TMEM170B: variants seen among roughly 807,000 people sequenced by gnomAD.
TMEM170B encodes transmembrane protein 170B.
Under a neutral mutation model 13.0 loss-of-function variants are expected in TMEM170B, and 6 were observed. That is an observed-to-expected ratio of 0.46 (90% CI 0.25 to 0.91). TMEM170B has a LOEUF of 0.91. Among genes scored for constraint, TMEM170B ranks in the 40% least tolerant of loss-of-function variants. The pLI is 0.17. For missense variants in TMEM170B, 138 were observed against 165.2 expected (o/e 0.84, Z 0.90); for synonymous variants, 61 against 64.9 (o/e 0.94, Z 0.29).
chr6:11,545,885 G>A (rs569972308), intron 1 of TMEM170B, among the ~76,000 whole-genome samples: 55 of 151,524 alleles, frequency 3.6e-4, no homozygotes, highest in Non-Finnish European at 3.7e-4. Flanking sequence ...GGTGGCGGGC[G>A]CCTATAGTCC....
chr6:11,559,985 A>T (rs1255775078), intron 1 of TMEM170B, among the ~76,000 whole-genome samples: 1 of 151,664 alleles, frequency 6.6e-6, no homozygotes, highest in African/African-American at 2.4e-5. Flanking sequence ...GTCTAATGAG[A>T]TAGGTTTTGT....
intron 2 of TMEM170B, among the ~76,000 whole-genome samples, chr6:11,574,888 A>G (rs1460034690): frequency 1.3e-5 from 2 of 152,182 alleles, no homozygotes; most frequent in African/African-American, 4.8e-5. Flanking sequence ...TTAAAAAGCA[A>G]GAACTATTTT....
intron 1 of TMEM170B, among the ~76,000 whole-genome samples, chr6:11,558,154 CT>C (rs1265431293): frequency 6.6e-6 from 1 of 152,138 alleles, no homozygotes; most frequent in East Asian, 1.9e-4. Flanking sequence ...CCACAGTAAT[CT>C]TTTTAAAAGG....
chr6:11,573,169 T>C (rs1489874822), intron 2 of TMEM170B, among the ~76,000 whole-genome samples: 2 of 152,196 alleles, frequency 1.3e-5, no homozygotes, highest in African/African-American at 4.8e-5. Context: ...CCTTTTTTTG[T>C]GGTCTTAAGA....
intron 1 of TMEM170B, among the ~76,000 whole-genome samples, chr6:11,552,798 G>A (rs1346404324): frequency 6.6e-6 from 1 of 152,190 alleles, no homozygotes; most frequent in Non-Finnish European, 1.5e-5. Context: ...GGGATGCAAA[G>A]GCAGTCTGTG....
chr6:11,551,361 C>T (rs989619421), intron 1 of TMEM170B, among the ~76,000 whole-genome samples: 1 of 152,152 alleles, frequency 6.6e-6, no homozygotes, highest in African/African-American at 2.4e-5. Context: ...ATTGTGCGAG[C>T]AGACTGCACA....
At position 11,575,613 on chromosome 6, in the gene TMEM170B, C is replaced by A. The variant is rs548823800; in HGVS notation, c.*52C>A. ...CATAAGGAAACAGATGTACAGATTC[C>A]CTGAAAACGGCATTGTTAACAAGTG... On this transcript the variant is annotated 3_prime_UTR_variant, in exon 3 of 3. Transcript: ENST00000379426. The surrounding 1 kb of genome is among the most constrained non-coding windows in gnomAD (Gnocchi z 4.1). 6.3e-7 allele frequency: 1 copy of A among 1,598,308 alleles called. No individual in the cohort carries two copies. The highest frequency in any genetic ancestry group is 2.2e-5 in the East Asian group (1 of 44,664).
intron 1 of TMEM170B, among the ~76,000 whole-genome samples, chr6:11,557,099 T>G (rs950216054): frequency 1.3e-5 from 2 of 152,208 alleles, no homozygotes; most frequent in Non-Finnish European, 2.9e-5. Context: ...CTGTAAAAAT[T>G]GTAGCTGATT....
In TMEM170B at chr6:11,575,759, G is replaced by A; in HGVS notation, c.*198G>A. 1.9e-6 allele frequency: 1 copy of A among 538,070 alleles called. No homozygotes were observed. The highest frequency in any genetic ancestry group is 3.2e-6 in the Non-Finnish European group (1 of 313,202). The allele number at this position is 538,070 out of a possible 1,614,324, so 33.3% of individuals were successfully genotyped here. ...TGCACTACCGCACTGCACCTTATGT[G>A]CCTCTGTCTCAGGCAAGGTGCATTA... On this transcript the variant is annotated 3_prime_UTR_variant, in exon 3 of 3. Transcript: ENST00000379426. The surrounding 1 kb of genome is among the most constrained non-coding windows in gnomAD (Gnocchi z 4.1).
rs1193942126 is a variant in TMEM170B at position 11,580,382 on chromosome 6, G to A, written c.*4821G>A. On this transcript the variant is annotated 3_prime_UTR_variant, in exon 3 of 3. Coordinates refer to ENST00000379426, the MANE Select transcript of TMEM170B (RefSeq NM_001100829.3). ...ATTATGTAATTCAGGGAGTAACGAT[G>A]CCTGGAGCAATTTCTGAAATATTCT... 6.6e-6 allele frequency: 1 copy of A among 152,106 alleles called. No homozygotes were observed. Among genetic ancestry groups the A allele is most frequent in the Non-Finnish European group, 1.5e-5 (1 of 68,030 alleles). 9.4% of individuals were successfully genotyped at this position (152,106 alleles called of 1,614,324 possible).
At chr6:11,540,579 C>T (rs183167592) in intron 1 of TMEM170B, among the ~76,000 whole-genome samples, 1 of 152,296 alleles carries the variant, frequency 6.6e-6, no homozygotes, top group Admixed American at 6.5e-5. Flanking sequence ...TTACTTCCTC[C>T]ACTAAAGTGT....
rs1759959568 is a variant in TMEM170B at position 11,581,685 on chromosome 6, G to T, written c.*6124G>T. The T allele has an allele frequency of 6.6e-6, 1 of 152,136 alleles. No individual in the cohort carries two copies. Among genetic ancestry groups the T allele is most frequent in the Non-Finnish European group, 1.5e-5 (1 of 68,010 alleles). The allele number at this position is 152,136 out of a possible 1,614,324, so 9.4% of individuals were successfully genotyped here. A position where few individuals can be genotyped will look rare whatever the true frequency, so the allele number is the denominator to read the frequency against. ...CACTTTAAAAATTTTATTCTGTCTT[G>T]CTGAATTAAGCAGAAATCACTTTTT... On this transcript the variant is annotated 3_prime_UTR_variant, in exon 3 of 3. Transcript: ENST00000379426.
chr6:11,549,131 G>T (rs1413157448), intron 1 of TMEM170B, among the ~76,000 whole-genome samples: 1 of 152,156 alleles, frequency 6.6e-6, no homozygotes, highest in African/African-American at 2.4e-5. Context: ...GTAGCATGTT[G>T]AACTTATTGT....
intron 1 of TMEM170B, among the ~76,000 whole-genome samples, chr6:11,543,223 A>G (rs1472238928): frequency 1.3e-5 from 2 of 152,188 alleles, no homozygotes; most frequent in Non-Finnish European, 2.9e-5. Flanking sequence ...CCCTAGCATT[A>G]TAGTACCTGG....
At chr6:11,572,364 G>A (rs1759816295) in intron 2 of TMEM170B, among the ~76,000 whole-genome samples, 1 of 152,116 alleles carries the variant, frequency 6.6e-6, no homozygotes, top group Admixed American at 6.5e-5. Flanking sequence ...CTGCATACAA[G>A]GAATATAGTT....
At chr6:11,564,907 A>G (rs939283346) in intron 1 of TMEM170B, among the ~76,000 whole-genome samples, 4 of 152,174 alleles carry the variant, frequency 2.6e-5, no homozygotes, top group Non-Finnish European at 5.9e-5. Context: ...TCACTACAGT[A>G]TGGTCAGGGA....
chr6:11,540,629 G>T (rs1485868024), intron 1 of TMEM170B, among the ~76,000 whole-genome samples: 1 of 152,162 alleles, frequency 6.6e-6, no homozygotes, highest in African/African-American at 2.4e-5. Flanking sequence ...GGAGTCAATT[G>T]CTTTCCAACT....
At chr6:11,551,685 C>T (rs1191508549) in intron 1 of TMEM170B, among the ~76,000 whole-genome samples, 1 of 152,122 alleles carries the variant, frequency 6.6e-6, no homozygotes, top group African/African-American at 2.4e-5. Flanking sequence ...CCATAAGGAG[C>T]TCAGTGATCT....
At chr6:11,545,861 A>G (rs999651196) in intron 1 of TMEM170B, among the ~76,000 whole-genome samples, 1 of 151,614 alleles carries the variant, frequency 6.6e-6, no homozygotes, top group African/African-American at 2.4e-5. Context: ...AAATACAAAA[A>G]ATTAGCCGGG....
Sources: gnomAD v4.1 joint callset for allele counts (sites outside exome capture counted in the v4.1 genomes callset) on GRCh38, gnomAD v4.1.1 for gene constraint, Gnocchi (gnomAD v3.1) non-coding constraint, MANE v1.5 for transcripts, NCBI Gene and HGNC (gene_info 2026-07-23, HGNC 2026-07-21) for gene names.